Variants in DNAH12 observed in about 807,000 individuals in gnomAD.
DNAH12 encodes axonemal beta dynein heavy chain 12.
DNAH12 carries 285 observed loss-of-function variants against 371.5 expected under a neutral mutation model. The observed-to-expected ratio is 0.77, with a 90% CI of 0.70 to 0.85. DNAH12 has a LOEUF of 0.85. Among genes scored for constraint, DNAH12 ranks in the 40% least tolerant of loss-of-function variants. The probability of loss-of-function intolerance (pLI) is 0.00; values close to 1 mark genes in which losing one functional copy is unlikely to be tolerated. For missense variants in DNAH12, 3,611 were observed against 3,689.4 expected (o/e 0.98, Z 0.55); for synonymous variants, 1,200 against 1,213.0 (o/e 0.99, Z 0.22).
At chr3:57,327,182 G>A (rs546725625) in intron 62 of DNAH12, among the ~76,000 whole-genome samples, 37 of 152,192 alleles carry the variant, frequency 2.4e-4, no homozygotes, top group Non-Finnish European at 5.1e-4. Context: ...ATACCCAGGA[G>A]TTGAACTCAG....
chr3:57,361,255 CAGG>C (rs1449901730), intron 58 of DNAH12, among the ~76,000 whole-genome samples: 3 of 151,568 alleles, frequency 2.0e-5, no homozygotes, highest in East Asian at 1.9e-4. Context: ...AGTCCTGAGG[CAGG>C]AGAATTCCTT....
At position 57,296,334 on chromosome 3, in the gene DNAH12, A is replaced by C; in HGVS notation, c.11624+10T>G. On this transcript the variant is annotated intron_variant, in intron 72 of 73. Transcript: ENST00000495027. ...CAAATGAAGAGGTCCTGGCAGCTGA[A>C]TCCACTGACCTTTCTCGGTCCCAGC... 6.5e-7 allele frequency: 1 copy of C among 1,538,800 alleles called. No homozygotes were observed. Among genetic ancestry groups the C allele is most frequent in the Non-Finnish European group, 8.8e-7 (1 of 1,137,286 alleles).
At position 57,461,633 on chromosome 3, in the gene DNAH12, A is replaced by C; in HGVS notation, c.2592T>G (p.Ala864=). 2.6e-6 allele frequency: 4 copies of C among 1,551,316 alleles called. No homozygotes were observed. The highest frequency in any genetic ancestry group is 3.5e-6 in the Non-Finnish European group (4 of 1,146,844). ...TGTCACGATACAGACTTATATGAAAAGCAATATCTTCCCAAGTTCCTATCA... is the reference window on the plus strand; with the variant it reads ...TGTCACGATACAGACTTATATGAAACGCAATATCTTCCCAAGTTCCTATCA... ...NTMIGTWEDI[A]FHISLYRDTG... The change falls in exon 19 of 74, where the codon GCT becomes GCG. Residue 864 remains alanine (A), a synonymous_variant. Transcript: ENST00000495027.
At chr3:57,390,424 A>AAAAAAAAAAAAAAAAAAATATAT in intron 45 of DNAH12, among the ~76,000 whole-genome samples, 1 of 33,422 alleles carries the variant, frequency 3.0e-5, no homozygotes, top group African/African-American at 6.3e-5. Flanking sequence ...AAAAAAAAAA[A>AAAAAAAAAAAAAAAAAAATATAT]ATATATATAT....
At chr3:57,323,330 T>C (rs2061853722) in intron 63 of DNAH12, 70 bp from the exon 64 acceptor site, 2 of 1,487,366 alleles carry the variant, frequency 1.3e-6, no homozygotes, top group Non-Finnish European at 1.8e-6. Flanking sequence ...TATGTATAGG[T>C]GTTTTATCAT....
At chr3:57,522,787 C>G (rs1055359529) in intron 4 of DNAH12, among the ~76,000 whole-genome samples, 5 of 151,808 alleles carry the variant, frequency 3.3e-5, no homozygotes, top group African/African-American at 1.2e-4. Flanking sequence ...ATGTTTTTGT[C>G]TTTCCACCAA....
intron 12 of DNAH12, among the ~76,000 whole-genome samples, chr3:57,483,781 A>C (rs2066834479): frequency 7.0e-6 from 1 of 143,806 alleles, no homozygotes; most frequent in African/African-American, 2.6e-5. Context: ...CCCTGTCTCT[A>C]CAAAAAAAAA....
intron 70 of DNAH12, among the ~76,000 whole-genome samples, chr3:57,298,192 C>T (rs2061273464): frequency 6.6e-6 from 1 of 152,200 alleles, no homozygotes; most frequent in Non-Finnish European, 1.5e-5. Context: ...TCCACCTAGC[C>T]ATGCAGGGTA....
At chr3:57,484,018 C>T (rs2066846091) in intron 12 of DNAH12, among the ~76,000 whole-genome samples, 1 of 145,922 alleles carries the variant, frequency 6.9e-6, no homozygotes, top group Non-Finnish European at 1.5e-5. Context: ...ACAAAACCTA[C>T]AAAATTAAGG....
chr3:57,501,338 A>C lies in DNAH12; in HGVS notation c.1318T>G (p.Phe440Val). The change falls in exon 11 of 74, where the codon TTT becomes GTT. Residue 440 changes from phenylalanine to valine, a missense_variant. Phe to Val is a conservative substitution (Grantham distance 50). This residue lies in a region of DNAH12 where 1,314 missense variants were observed against 1,398.7 expected (regional missense o/e 0.94). Transcript: ENST00000495027. ...IETFQTEDHT[F>V]DEYTEFIEKF... ...CCGCTTACCTCTGTATATTCATCAA[A>C]AGTATGATCTTCTGTCTGAAAAGTC... 6.3e-7 allele frequency: 1 copy of C among 1,598,470 alleles called. No individual in the cohort carries two copies. The highest frequency in any genetic ancestry group is 2.3e-5 in the East Asian group (1 of 44,112).
intron 25 of DNAH12, among the ~76,000 whole-genome samples, chr3:57,447,680 T>G (rs1472944547): frequency 1.9e-5 from 1 of 53,534 alleles, no homozygotes; most frequent in Non-Finnish European, 5.9e-5. Context: ...TCATCCATTT[T>G]ATTTTATTTT....
At chr3:57,416,813 A>T (rs1329350187) in intron 37 of DNAH12, among the ~76,000 whole-genome samples, 2 of 152,204 alleles carry the variant, frequency 1.3e-5, no homozygotes, top group East Asian at 3.8e-4. Context: ...TCCCATTCTT[A>T]AATGATCATA....
chr3:57,382,212 C>T (rs1026968987), intron 50 of DNAH12, 50 bp downstream of exon 50: 1 of 152,104 alleles, frequency 6.6e-6, no homozygotes, highest in Non-Finnish European at 1.5e-5. Context: ...TTGCTGCTGA[C>T]AAGTTCTATA....
chr3:57,323,228 A>C lies in DNAH12; in HGVS notation c.10162T>G (p.Ser3388Ala). Residue 3388 changes from serine (S) to alanine (A), a missense_variant, in exon 64 of 74, where the codon TCT becomes GCT. Ser to Ala is a moderately conservative substitution (Grantham distance 99, BLOSUM62 1). Transcript: ENST00000495027. ...GAAATAGCTTGAAACTTATTTCCAG[A>C]CATAGATTTATCATTTGCAAATTTC... is the stretch of plus-strand genomic sequence containing the variant. ...LLKFANDKSM[S>A]GNKFQAISLG... is the part of the protein sequence containing the mutation. 6.4e-7 allele frequency: 1 copy of C among 1,551,932 alleles called. No homozygotes were observed. Among genetic ancestry groups the C allele is most frequent in the South Asian group, 1.2e-5 (1 of 84,056 alleles).
intron 43 of DNAH12, among the ~76,000 whole-genome samples, chr3:57,398,780 G>A (rs1203734838): frequency 1.3e-5 from 2 of 152,112 alleles, no homozygotes; most frequent in Non-Finnish European, 2.9e-5. Flanking sequence ...TACTATATCT[G>A]CCTGACAAGA....
At chr3:57,300,317 G>C (rs2061319830) in intron 70 of DNAH12, among the ~76,000 whole-genome samples, 1 of 152,098 alleles carries the variant, frequency 6.6e-6, no homozygotes. Context: ...TTAACTCTAA[G>C]AACCATTAGG....
chr3:57,438,918 C>CGGAAAAAAAAAAAAAAAA (rs562343761), intron 29 of DNAH12, among the ~76,000 whole-genome samples: 3 of 94,496 alleles, frequency 3.2e-5, no homozygotes, highest in Admixed American at 1.3e-4. Context: ...CTGTCTCAGA[C>CGGAAAAAAAAAAAAAAAA]AAAAAAAAAA....
intron 65 of DNAH12, among the ~76,000 whole-genome samples, chr3:57,319,735 C>A (rs572443871): frequency 1.2e-4 from 18 of 147,648 alleles, no homozygotes; most frequent in African/African-American, 2.9e-4. Flanking sequence ...TGCCACCACA[C>A]CTTGCTAATT....
In DNAH12 at chr3:57,537,557, T is replaced by A. The variant is rs569303108; in HGVS notation, c.170+5144A>T. On this transcript the variant is annotated intron_variant, in intron 2 of 73. Transcript: ENST00000495027. ...TGAAAAAGAGAAGTCTGCGCTCCTG[T>A]CATCTAACAGGTGCAGATAGCAAGG... is the stretch of plus-strand genomic sequence containing the variant. 7.2e-5 allele frequency among the ~76,000 whole-genome samples: 11 copies of A among 152,276 alleles called. No homozygotes were observed. In the East Asian group the frequency reaches 7.7e-4, roughly 11 times the overall value.
Sources: allele counts gnomAD v4.1 joint callset (sites outside exome capture counted in the v4.1 genomes callset), GRCh38; gene constraint gnomAD v4.1.1; regional missense constraint gnomAD v4.1.1; transcripts MANE v1.5; gene names NCBI Gene and HGNC (gene_info 2026-07-23, HGNC 2026-07-21).